RBFOX1: variants seen among roughly 807,000 people sequenced by gnomAD.
RBFOX1 encodes RNA binding fox-1 homolog 1, also known as RNA binding protein fox-1 homolog 1.
A neutral mutation model predicts 57.7 loss-of-function variants in RBFOX1; 8 were observed. The ratio of observed to expected loss-of-function variants is 0.14; its 90% confidence interval spans 0.08 to 0.25. RBFOX1 has a LOEUF of 0.25. Among genes scored for constraint, RBFOX1 ranks in the 10% least tolerant of loss-of-function variants. The pLI is 1.00. For missense variants in RBFOX1, 611 were observed against 548.5 expected (o/e 1.11, Z -1.14); for synonymous variants, 326 against 222.4 (o/e 1.47, Z -4.15).
chr16:5,708,624 T>C (rs2051339486), intron 3 of RBFOX1, among the ~76,000 whole-genome samples: 1 of 152,124 alleles, frequency 6.6e-6, no homozygotes, highest in African/African-American at 2.4e-5. Flanking sequence ...GCTGGCATGG[T>C]TCATAGATTC....
chr16:6,645,472 C>T (rs758712206), intron 2 of RBFOX1, among the ~76,000 whole-genome samples: 9 of 152,072 alleles, frequency 5.9e-5, no homozygotes, highest in Middle Eastern at 3.2e-3. Context: ...GTAAGGGATC[C>T]GGGATGCTGG....
intron 3 of RBFOX1, among the ~76,000 whole-genome samples, chr16:6,951,301 G>A (rs1461697888): frequency 6.6e-6 from 1 of 152,168 alleles, no homozygotes; most frequent in Non-Finnish European, 1.5e-5. Flanking sequence ...TCAGCTGTCT[G>A]TAGGCTGGAT....
chr16:6,627,070 C>T (rs1012071033), intron 2 of RBFOX1, among the ~76,000 whole-genome samples: 4 of 152,216 alleles, frequency 2.6e-5, no homozygotes, highest in African/African-American at 7.2e-5. Context: ...CTAGTCCTGG[C>T]GGTCTGGCTC....
intron 3 of RBFOX1, among the ~76,000 whole-genome samples, chr16:6,984,805 T>G (rs1331307237): frequency 1.3e-5 from 2 of 152,056 alleles, no homozygotes; most frequent in African/African-American, 4.8e-5. Flanking sequence ...CACACCTGGC[T>G]AATTTTTGTA....
intron 4 of RBFOX1, among the ~76,000 whole-genome samples, chr16:7,225,215 T>C (rs1266352268): frequency 6.6e-6 from 1 of 152,162 alleles, no homozygotes; most frequent in African/African-American, 2.4e-5. Flanking sequence ...CTCCTTTCCA[T>C]GGGTGATATG....
chr16:6,673,665 G>A (rs2098782204), intron 3 of RBFOX1, among the ~76,000 whole-genome samples: 1 of 152,184 alleles, frequency 6.6e-6, no homozygotes, highest in African/African-American at 2.4e-5. Flanking sequence ...ACTTGCCGGG[G>A]TGGAGGACCA....
chr16:5,984,274 C>T (rs948293720), intron 4 of RBFOX1, among the ~76,000 whole-genome samples: 2 of 147,788 alleles, frequency 1.4e-5, no homozygotes, highest in Non-Finnish European at 3.0e-5. Flanking sequence ...TTTTCTGCTG[C>T]CTAAATACAC....
At chr16:7,364,763 C>G (rs1029164516) in intron 4 of RBFOX1, among the ~76,000 whole-genome samples, 2 of 152,164 alleles carry the variant, frequency 1.3e-5, no homozygotes, top group Non-Finnish European at 1.5e-5. Context: ...GTTGTGTTCT[C>G]TCTCTAAGGT....
In RBFOX1 at chr16:7,595,848, C is replaced by A. The variant is rs150030180; in HGVS notation, c.561+207C>A. On this transcript the variant is annotated intron_variant, in intron 8 of 15. Transcript: ENST00000550418. ...ACTTTATTATGTTACTCTTATACCG[C>A]TGAAAGGTGGATGGCAAACGTGAGA... Among the ~76,000 whole-genome samples the A allele has an allele frequency of 2.7e-3, 405 of 149,714 alleles. 3 individuals carry two copies. The highest frequency in any genetic ancestry group is 5.0e-3 in the South Asian group (24 of 4,774).
chr16:6,613,744 C>A (rs1348655204), intron 2 of RBFOX1, among the ~76,000 whole-genome samples: 1 of 152,206 alleles, frequency 6.6e-6, no homozygotes, highest in Admixed American at 6.5e-5. Flanking sequence ...TGAGACCGGC[C>A]TGGCCAACAT....
At chr16:7,261,778 C>T (rs2094928816) in intron 4 of RBFOX1, among the ~76,000 whole-genome samples, 1 of 152,116 alleles carries the variant, frequency 6.6e-6, no homozygotes, top group Non-Finnish European at 1.5e-5. Flanking sequence ...ATCACGAGAG[C>T]CTGACACTAA....
At chr16:7,111,349 C>T (rs1054502994) in intron 4 of RBFOX1, among the ~76,000 whole-genome samples, 7 of 152,124 alleles carry the variant, frequency 4.6e-5, no homozygotes, top group African/African-American at 7.2e-5. Context: ...CGGAGCTGAG[C>T]GGCACTGTTT....
intron 4 of RBFOX1, among the ~76,000 whole-genome samples, chr16:7,403,841 G>T (rs563613240): frequency 2.6e-5 from 4 of 150,952 alleles, no homozygotes; most frequent in South Asian, 4.2e-4. Context: ...CCACCATGCC[G>T]GGGCTCCTTG....
intron 3 of RBFOX1, among the ~76,000 whole-genome samples, chr16:5,805,472 G>T (rs988463473): frequency 6.6e-6 from 1 of 152,308 alleles, no homozygotes; most frequent in African/African-American, 2.4e-5. Context: ...TTGTATTTCA[G>T]GGTTGGAGAT....
chr16:5,973,283 C>T lies in RBFOX1; in HGVS notation c.351+105948C>T, dbSNP rs145445222. Reference sequence around the variant, plus strand: ...GGTGTGATATATACATTGATTTAAACGTCATATGTCTTTGATGGTTAGGAG... The same window carrying T: ...GGTGTGATATATACATTGATTTAAATGTCATATGTCTTTGATGGTTAGGAG... On this transcript the variant is annotated intron_variant, in intron 4 of 19. Coordinates refer to the RBFOX1 transcript ENST00000641259. 3.7e-3 allele frequency among the ~76,000 whole-genome samples: 564 copies of T among 152,232 alleles called. 3 individuals are homozygous for T. The highest frequency in any genetic ancestry group is 6.9e-3 in the Non-Finnish European group (467 of 68,020).
chr16:6,276,842 TC>T (rs2075854614), intron 1 of RBFOX1, among the ~76,000 whole-genome samples: 1 of 151,696 alleles, frequency 6.6e-6, no homozygotes, highest in Non-Finnish European at 1.5e-5. Context: ...TTAACTATGC[TC>T]CTTCCAGGAA....
At chr16:7,318,231 A>G (rs2096481527) in intron 4 of RBFOX1, among the ~76,000 whole-genome samples, 1 of 151,354 alleles carries the variant, frequency 6.6e-6, no homozygotes, top group African/African-American at 2.4e-5. Context: ...GGCCATGGTA[A>G]TGGAGTTGGG....
At chr16:6,856,743 G>C (rs571827185) in intron 3 of RBFOX1, among the ~76,000 whole-genome samples, 2 of 152,210 alleles carry the variant, frequency 1.3e-5, no homozygotes, top group South Asian at 2.1e-4. Flanking sequence ...AGGCAATAAT[G>C]ATGATCCATT....
At chr16:7,073,611 A>G (rs1194080107) in intron 4 of RBFOX1, among the ~76,000 whole-genome samples, 2 of 152,144 alleles carry the variant, frequency 1.3e-5, no homozygotes, top group African/African-American at 4.8e-5. Context: ...TGGGAGGTCG[A>G]GGTGAGTGGA....
Sources: gnomAD v4.1 joint callset for allele counts (sites outside exome capture counted in the v4.1 genomes callset) on GRCh38, gnomAD v4.1.1 for gene constraint, MANE v1.5 for transcripts, NCBI Gene and HGNC (gene_info 2026-07-23, HGNC 2026-07-21) for gene names.